LRRFIP1: variants seen among roughly 807,000 people sequenced by gnomAD.
LRRFIP1 encodes the protein LRR binding FLII interacting protein 1.
A neutral mutation model predicts 104.4 loss-of-function variants in LRRFIP1; 62 were observed. That is an observed-to-expected ratio of 0.59 (90% CI 0.48 to 0.73). The LOEUF is 0.73. LRRFIP1 is among the 30% of genes least tolerant of loss of function. The pLI, the probability that LRRFIP1 is intolerant of heterozygous loss-of-function variation, is 0.00. For synonymous variants in LRRFIP1, 300 were observed against 299.0 expected, an observed-to-expected ratio of 1.00 and a Z score of -0.03; for missense variants, 796 against 824.5, an observed-to-expected ratio of 0.97 and a Z score of 0.42.
rs117941337 is a variant in LRRFIP1, at chr2:237,742,615, T to C, written c.633+3306T>C. Among the ~76,000 whole-genome samples, 501 of 152,356 alleles carry C rather than the reference T, an allele frequency of 3.3e-3. 24 individuals carry two copies. The East Asian group carries it at 0.086, about 26-fold the overall frequency. On this transcript the variant is annotated intron_variant, in intron 11 of 23. Coordinates refer to ENST00000308482, the MANE Select transcript of LRRFIP1 (RefSeq NM_001137550.2). ...AAACTCATGGTCCTCTTATACTAAATTGACTCCATTTCTGTTTTCTGTCTT... is the reference window on the plus strand; with the variant it reads ...AAACTCATGGTCCTCTTATACTAAACTGACTCCATTTCTGTTTTCTGTCTT...
chr2:237,712,502 TA>T (rs760352582), intron 2 of LRRFIP1, among the ~76,000 whole-genome samples: 4 of 152,232 alleles, frequency 2.6e-5, no homozygotes, highest in Admixed American at 6.5e-5. Context: ...AAACATAAAA[TA>T]TACAATTTTC....
intron 1 of LRRFIP1, among the ~76,000 whole-genome samples, chr2:237,642,783 C>T (rs1306522660): frequency 6.6e-6 from 1 of 151,948 alleles, no homozygotes; most frequent in East Asian, 1.9e-4. Context: ...TTGCCAGGCC[C>T]CAGGTTTTAG....
intron 5 of LRRFIP1, 49 bp from the exon 6 acceptor site, chr2:237,720,723 G>A (rs2094507481): frequency 6.5e-7 from 1 of 1,545,660 alleles, no homozygotes; most frequent in African/African-American, 1.4e-5. Context: ...GGTTCTTCAT[G>A]TATGTTGTAT....
chr2:237,673,291 G>A (rs946435994), intron 1 of LRRFIP1, among the ~76,000 whole-genome samples: 1 of 152,244 alleles, frequency 6.6e-6, no homozygotes, highest in African/African-American at 2.4e-5. Flanking sequence ...CGGGGACAGC[G>A]CTGGGAGGGC....
intron 1 of LRRFIP1, among the ~76,000 whole-genome samples, chr2:237,708,213 A>G (rs2093908415): frequency 6.6e-6 from 1 of 152,130 alleles, no homozygotes. Flanking sequence ...CAAGTTACTT[A>G]CCCTCTCTGT....
At position 237,745,996 on chromosome 2, in the gene LRRFIP1, G is replaced by A. The variant is rs548512433; in HGVS notation, c.634-2368G>A. 9.2e-5 allele frequency among the ~76,000 whole-genome samples: 14 copies of A among 152,046 alleles called. No individual in the cohort carries two copies. The South Asian group carries it at 1.9e-3, about 20-fold the overall frequency. On this transcript the variant is annotated intron_variant, in intron 11 of 23. Coordinates refer to ENST00000308482, the MANE Select transcript of LRRFIP1 (RefSeq NM_001137550.2). The stretch of plus-strand genomic sequence containing the variant: ...ATTTAATGAATTTATTCTCCAGCAC[G>A]CTAAGTGCTAGATAGATAGTTCACA...
At chr2:237,693,749 T>G (rs2092974187) in intron 1 of LRRFIP1, among the ~76,000 whole-genome samples, 3 of 152,122 alleles carry the variant, frequency 2.0e-5, no homozygotes, top group African/African-American at 7.2e-5. Flanking sequence ...CCTGCTGGAC[T>G]TAGAGTCCTT....
At chr2:237,674,525 A>T (rs564147493) in intron 1 of LRRFIP1, among the ~76,000 whole-genome samples, 4 of 152,328 alleles carry the variant, frequency 2.6e-5, no homozygotes, top group African/African-American at 9.6e-5. Context: ...AAACCCTGGT[A>T]TCAATGGTCA....
intron 1 of LRRFIP1, among the ~76,000 whole-genome samples, chr2:237,675,537 T>G (rs1000629906): frequency 2.6e-5 from 4 of 151,656 alleles, no homozygotes; most frequent in African/African-American, 4.8e-5. Context: ...CCAGCCTGAT[T>G]AATTGCCGTT....
rs562100948 is a variant in LRRFIP1, at chr2:237,633,595, G to A, written c.96+5855G>A. On this transcript the variant is annotated intron_variant, in intron 1 of 23. Coordinates refer to ENST00000308482, the MANE Select transcript of LRRFIP1 (RefSeq NM_001137550.2). ...GCCCGTCCCCAGTGAGTGTGAGACG[G>A]GAAAGGAGAGAGGGGCGAATGGAGG... is the stretch of plus-strand genomic sequence containing the variant. Among the ~76,000 whole-genome samples the A allele has an allele frequency of 5.9e-4, 90 of 152,098 alleles. No individual in the cohort carries two copies. The Middle Eastern group carries it at 0.031, about 52-fold the overall frequency.
chr2:237,769,597 T>TATGTTATATATAACATAGCAATGTATA, intron 19 of LRRFIP1: 1 of 259,406 alleles, frequency 3.9e-6, no homozygotes, highest in African/African-American at 2.2e-5. Flanking sequence ...TCGGTGTTTG[T>TATGTTATATATAACATAGCAATGTATA]ACATTGCTAA....
intron 11 of LRRFIP1, among the ~76,000 whole-genome samples, chr2:237,743,706 G>A (rs999940868): frequency 2.0e-5 from 3 of 152,192 alleles, no homozygotes; most frequent in Admixed American, 6.5e-5. Flanking sequence ...CACAGACAGG[G>A]GCAGACGGAT....
At chr2:237,700,704 G>A (rs937450032) in intron 1 of LRRFIP1, among the ~76,000 whole-genome samples, 1 of 152,176 alleles carries the variant, frequency 6.6e-6, no homozygotes, top group Non-Finnish European at 1.5e-5. Flanking sequence ...GGCCCACTGG[G>A]TGTCCCTAAT....
chr2:237,764,404 C>G, intron 19 of LRRFIP1: 3 of 1,395,228 alleles, frequency 2.2e-6, no homozygotes. Flanking sequence ...ACAATAATGT[C>G]TACTGTTTAT....
At chr2:237,721,249 A>G (rs2094528111) in intron 6 of LRRFIP1, 3 of 169,546 alleles carry the variant, frequency 1.8e-5, no homozygotes, top group Non-Finnish European at 2.6e-5. Context: ...TTATTGAGCA[A>G]TGTTTTGGCA....
chr2:237,717,802 A>G lies in LRRFIP1; in HGVS notation c.242A>G (p.Gln81Arg), dbSNP rs2094396383. ...GLDTKWGDIE[Q>R]WMEDSERYSR... The stretch of plus-strand genomic sequence containing the variant: ...GATACAAAATGGGGTGACATCGAGC[A>G]GTGGATGGTAGGCCTTGAATATAAT... The change falls in exon 4 of 24, where the codon CAG (glutamine) becomes CGG (arginine). Residue 81 changes from glutamine to arginine, a missense_variant. Transcript: ENST00000308482. This position sits in a 1 kb window ranked among gnomAD's most constrained non-coding sequence, Gnocchi z 4.2. 6 of 1,611,604 alleles carry G rather than the reference A, an allele frequency of 3.7e-6. No individual in the cohort carries two copies. The East Asian group carries it at 1.3e-4, about 36-fold the overall frequency.
chr2:237,753,613 T>G, intron 15 of LRRFIP1, 134 bp downstream of exon 15: 1 of 626,728 alleles, frequency 1.6e-6, no homozygotes, highest in Non-Finnish European at 2.6e-6. Context: ...CTGGGCAACA[T>G]GGCGAGACAT....
intron 1 of LRRFIP1, among the ~76,000 whole-genome samples, chr2:237,667,339 G>T (rs999475365): frequency 6.6e-6 from 1 of 152,172 alleles, no homozygotes; most frequent in African/African-American, 2.4e-5. Context: ...AGTTTGCTGA[G>T]AATTGTGGCT....
At chr2:237,692,243 T>TGCGCC in intron 1 of LRRFIP1, 1 of 1,123,242 alleles carries the variant, frequency 8.9e-7, no homozygotes, top group Non-Finnish European at 1.1e-6. Context: ...CGCGGCCACC[T>TGCGCC]GCGCCCCGCC....
Sources: gnomAD v4.1 joint callset for allele counts (sites outside exome capture counted in the v4.1 genomes callset) on GRCh38, gnomAD v4.1.1 for gene constraint, Gnocchi (gnomAD v3.1) non-coding constraint, MANE v1.5 for transcripts, NCBI Gene and HGNC (gene_info 2026-07-23, HGNC 2026-07-21) for gene names.